Variants in CREBBP observed in about 807,000 individuals in gnomAD.
The protein encoded by CREBBP is CREB binding lysine acetyltransferase, also known as CREB-binding protein.
CREBBP carries 19 observed loss-of-function variants against 265.0 expected under a neutral mutation model. The observed-to-expected ratio is 0.07, with a 90% CI of 0.05 to 0.11. The LOEUF (loss-of-function observed/expected upper bound fraction) is 0.11, where lower values mean the gene tolerates loss of function less well. Among genes scored for constraint, CREBBP ranks in the 10% least tolerant of loss-of-function variants. The probability of loss-of-function intolerance (pLI) is 1.00; values close to 1 mark genes in which losing one functional copy is unlikely to be tolerated. For synonymous variants in CREBBP, 1,457 were observed against 1,223.7 expected, an observed-to-expected ratio of 1.19 and a Z score of -3.98; for missense variants, 2,525 against 3,219.0, an observed-to-expected ratio of 0.78 and a Z score of 5.22.
intron 3 of CREBBP, among the ~76,000 whole-genome samples, chr16:3,794,058 T>C (rs1596949201): frequency 6.6e-6 from 1 of 152,162 alleles, no homozygotes. Context: ...CCGAGCGCGT[T>C]GGCTCACGCC....
intron 28 of CREBBP, 142 bp downstream of exon 28, chr16:3,735,894 T>A (rs578201402): frequency 1.5e-5 from 20 of 1,300,442 alleles, no homozygotes; most frequent in Non-Finnish European, 2.1e-5. Context: ...CAACGCCCTG[T>A]GCTGCAGGTG....
chr16:3,739,789 A>T, intron 24 of CREBBP, 65 bp from the exon 25 acceptor site: 1 of 1,610,076 alleles, frequency 6.2e-7, no homozygotes, highest in East Asian at 2.2e-5. Flanking sequence ...TCTGCACACC[A>T]GGCCTGCTCC....
At chr16:3,787,641 GTTTTGTTTTGGTT>G (rs1567313401) in intron 5 of CREBBP, among the ~76,000 whole-genome samples, 1 of 147,846 alleles carries the variant, frequency 6.8e-6, no homozygotes, top group Non-Finnish European at 1.5e-5. Context: ...TTTTTTTTTT[GTTTTGTTTTGGTT>G]TTTTGTTTTG....
chr16:3,773,994 G>A (rs2141217727), intron 12 of CREBBP, 64 bp from the exon 13 acceptor site: 2 of 1,561,270 alleles, frequency 1.3e-6, no homozygotes, highest in South Asian at 1.1e-5. Flanking sequence ...TTTTCAAGGT[G>A]AGCCAGAATG....
rs2151318044 is a variant in CREBBP, at chr16:3,731,543, C to T, written c.4891-70G>A. 3.3e-6 allele frequency: 5 copies of T among 1,534,800 alleles called. No individual in the cohort carries two copies. The highest frequency in any genetic ancestry group is 4.4e-6 in the Non-Finnish European group (5 of 1,137,866). ...CCTCCAGTGGTGAGCTCAGGGCAGG[C>T]GCAGCCACCCAGCCTGCAGAATAGG... On this transcript the variant is annotated intron_variant, in intron 29 of 30. Coordinates refer to ENST00000262367, the MANE Select transcript of CREBBP (RefSeq NM_004380.3). This position sits in a 1 kb window ranked among gnomAD's most constrained non-coding sequence, Gnocchi z 7.7.
intron 3 of CREBBP, among the ~76,000 whole-genome samples, chr16:3,799,457 G>A (rs1001094213): frequency 8.5e-5 from 13 of 152,142 alleles, no homozygotes; most frequent in Non-Finnish European, 1.8e-4. Context: ...TAAAGAAATG[G>A]CAATTCTCAA....
Position 3,740,259 on chromosome 16 carries a change from C to A in CREBBP, c.4133+140G>T, listed in dbSNP as rs781442113. 9.2e-4 allele frequency: 874 copies of A among 946,134 alleles called. 1 individual carries two copies. Among genetic ancestry groups the A allele is most frequent in the Non-Finnish European group, 1.2e-3 (742 of 609,512 alleles). The allele number at this position is 946,134 out of a possible 1,614,324, so 58.6% of individuals were successfully genotyped here. The stretch of plus-strand genomic sequence containing the variant: ...AAAACCCCAGACAGGACAACCGCAG[C>A]TGAGGGGGCTACTGCACGCATTCGC... On this transcript the variant is annotated intron_variant, in intron 24 of 30. Transcript: ENST00000262367.
At chr16:3,869,882 T>A (rs2055258386) in intron 1 of CREBBP, among the ~76,000 whole-genome samples, 1 of 152,178 alleles carries the variant, frequency 6.6e-6, no homozygotes, top group Non-Finnish European at 1.5e-5. Context: ...GCAAAACACT[T>A]GATTCTCTTG....
chr16:3,823,483 C>G (rs151113189), intron 2 of CREBBP, among the ~76,000 whole-genome samples: 9 of 152,264 alleles, frequency 5.9e-5, no homozygotes, highest in African/African-American at 1.4e-4. Context: ...TTTCAAGGAG[C>G]CTCAGCACAG....
intron 1 of CREBBP, among the ~76,000 whole-genome samples, chr16:3,863,008 T>C (rs548580981): frequency 1.3e-5 from 2 of 152,194 alleles, no homozygotes; most frequent in Non-Finnish European, 2.9e-5. Context: ...ACTTCAAAGT[T>C]TGAATTAAGG....
intron 12 of CREBBP, among the ~76,000 whole-genome samples, chr16:3,774,254 G>A (rs1312810568): frequency 1.3e-5 from 2 of 152,110 alleles, no homozygotes; most frequent in Non-Finnish European, 2.9e-5. Context: ...TCGGAACAGC[G>A]AGCTCTCAGT....
intron 25 of CREBBP, 40 bp from the exon 26 acceptor site, chr16:3,738,712 C>G (rs1480719850): frequency 3.1e-6 from 4 of 1,304,484 alleles, no homozygotes; most frequent in Non-Finnish European, 3.3e-6. Flanking sequence ...GGGTATCCCT[C>G]AAATCTGAAA....
At chr16:3,861,116 C>T (rs2055063958) in intron 1 of CREBBP, among the ~76,000 whole-genome samples, 1 of 151,984 alleles carries the variant, frequency 6.6e-6, no homozygotes, top group South Asian at 2.1e-4. Flanking sequence ...ACTAAAAATA[C>T]TGAAAATTAC....
chr16:3,798,977 C>T (rs1198389949), intron 3 of CREBBP, among the ~76,000 whole-genome samples: 2 of 152,146 alleles, frequency 1.3e-5, no homozygotes, highest in African/African-American at 4.8e-5. Flanking sequence ...GGTGTATAAC[C>T]AAAACGGAAT....
intron 2 of CREBBP, among the ~76,000 whole-genome samples, chr16:3,841,790 G>A (rs1447439860): frequency 6.6e-6 from 1 of 152,118 alleles, no homozygotes; most frequent in Non-Finnish European, 1.5e-5. Flanking sequence ...CTCAGAGTGT[G>A]GTCCCTGACC....
At chr16:3,815,911 T>C (rs1267705746) in intron 2 of CREBBP, among the ~76,000 whole-genome samples, 1 of 152,100 alleles carries the variant, frequency 6.6e-6, no homozygotes, top group Non-Finnish European at 1.5e-5. Context: ...TTTTTTTGTA[T>C]TCCATACACT....
intron 5 of CREBBP, among the ~76,000 whole-genome samples, chr16:3,785,867 T>C (rs887413497): frequency 6.6e-6 from 1 of 152,206 alleles, no homozygotes; most frequent in African/African-American, 2.4e-5. Context: ...TGGGTTCTTC[T>C]GGGCCCATCA....
At position 3,747,160 on chromosome 16, in the gene CREBBP, C is replaced by T. The variant is rs12599202; in HGVS notation, c.3837-1806G>A. ...TTTCTTGCCTTCTCCTGCTTTGTGTCTCTTAACTAACTTCTCTACTACAGA... is the reference window on the plus strand; with the variant it reads ...TTTCTTGCCTTCTCCTGCTTTGTGTTTCTTAACTAACTTCTCTACTACAGA... On this transcript the variant is annotated intron_variant, in intron 21 of 30. Transcript: ENST00000262367. 1.8e-3 allele frequency among the ~76,000 whole-genome samples: 277 copies of T among 152,192 alleles called. 10 individuals are homozygous for T. The East Asian group carries it at 0.051, about 28-fold the overall frequency.
Position 3,731,351 on chromosome 16 carries a change from G to A in CREBBP, c.5013C>T (p.Ala1671=), listed in dbSNP as rs2051910321. Residue 1671 remains alanine (A), a synonymous_variant, in exon 30 of 31, where the codon GCC becomes GCT. Transcript: ENST00000262367. This position sits in a 1 kb window ranked among gnomAD's most constrained non-coding sequence, Gnocchi z 7.7. The stretch of plus-strand genomic sequence containing the variant: ...AGGAGAACTCCCAGTGCTTGTCTCT[G>A]GCGAGGGTGAGGAAGGCGTCGCGCC... The part of the protein sequence containing the change: ...MDGRDAFLTL[A]RDKHWEFSSL... 6 of 1,613,940 alleles carry A rather than the reference G, an allele frequency of 3.7e-6. No individual in the cohort carries two copies. The highest frequency in any genetic ancestry group is 5.1e-6 in the Non-Finnish European group (6 of 1,179,942).
Sources: gnomAD v4.1 joint callset for allele counts (sites outside exome capture counted in the v4.1 genomes callset) on GRCh38, gnomAD v4.1.1 for gene constraint, Gnocchi (gnomAD v3.1) non-coding constraint, MANE v1.5 for transcripts, NCBI Gene and HGNC (gene_info 2026-07-23, HGNC 2026-07-21) for gene names.